The following DGAT2 variants were observed in gnomAD, a reference collection of about 807,000 sequenced individuals.
DGAT2 encodes acyl-CoA retinol O-fatty-acyltransferase.
In DGAT2, 33 loss-of-function variants were observed where a neutral mutation model predicts 48.4. The observed-to-expected ratio is 0.68, with a 90% CI of 0.52 to 0.91. The LOEUF (loss-of-function observed/expected upper bound fraction) is 0.91, where lower values mean the gene tolerates loss of function less well. Among genes scored for constraint, DGAT2 ranks in the 40% least tolerant of loss-of-function variants. DGAT2 has a pLI of 0.00. For missense variants in DGAT2, 446 were observed against 493.7 expected, an observed-to-expected ratio of 0.90 and a Z score of 0.92; for synonymous variants, 191 against 194.1, an observed-to-expected ratio of 0.98 and a Z score of 0.13.
At chr11:75,775,336 G>A (rs1944794140) in intron 1 of DGAT2, among the ~76,000 whole-genome samples, 1 of 152,164 alleles carries the variant, frequency 6.6e-6, no homozygotes, top group Admixed American at 6.5e-5. Flanking sequence ...GGTCCTGATG[G>A]CCCACTTCCC....
At chr11:75,789,659 C>T (rs1944962754) in intron 2 of DGAT2, among the ~76,000 whole-genome samples, 1 of 152,218 alleles carries the variant, frequency 6.6e-6, no homozygotes, top group Non-Finnish European at 1.5e-5. Flanking sequence ...TGAATCCTGG[C>T]TCTGCCACTG....
intron 1 of DGAT2, among the ~76,000 whole-genome samples, chr11:75,780,382 G>A (rs187336370): frequency 2.0e-5 from 3 of 152,304 alleles, no homozygotes; most frequent in Admixed American, 2.0e-4. Flanking sequence ...ACTGCAAGAT[G>A]GTAAGCTCTA....
chr11:75,772,941 G>A (rs1350437454), intron 1 of DGAT2, among the ~76,000 whole-genome samples: 1 of 152,218 alleles, frequency 6.6e-6, no homozygotes, highest in African/African-American at 2.4e-5. Flanking sequence ...AGTGAGCCAA[G>A]GTTGTGCTAC....
In DGAT2 at chr11:75,798,345, G is replaced by T. The variant is rs761761542; in HGVS notation, c.928G>T (p.Ala310Ser). ...QKKFQKYIGF[A>S]PCIFHGRGLF... ...GAAGTTCCAGAAATACATTGGTTTC[G>T]CCCCATGCATCTTCCATGGTCGAGG... The change falls in exon 7 of 8, where the codon GCC (alanine) becomes TCC (serine). Residue 310 changes from alanine (A) to serine (S), a missense_variant. By Grantham distance (99) the Ala-to-Ser change is moderately conservative. Coordinates refer to ENST00000228027, the MANE Select transcript of DGAT2 (RefSeq NM_032564.5). The T allele has an allele frequency of 6.2e-7, 1 of 1,614,032 alleles. No individual in the cohort carries two copies. Among genetic ancestry groups the T allele is most frequent in the African/African-American group, 1.3e-5 (1 of 74,916 alleles).
At position 75,790,034 on chromosome 11, in the gene DGAT2, A is replaced by G. The variant is rs115256190; in HGVS notation, c.251-154A>G. ...GAATCTGCTCCTACCTGGGCTGAAC[A>G]TTCCTGTAGCTATTTCTCAGGGTTT... On this transcript the variant is annotated intron_variant, in intron 2 of 7. Coordinates refer to ENST00000228027, the MANE Select transcript of DGAT2 (RefSeq NM_032564.5). Among the ~76,000 whole-genome samples, 1,384 of 152,290 alleles carry G rather than the reference A, an allele frequency of 9.1e-3. 16 individuals carry two copies. Among genetic ancestry groups the G allele is most frequent in the African/African-American group, 0.032 (1,338 of 41,554 alleles).
chr11:75,793,515 G>T (rs1023322132), intron 4 of DGAT2: 1 of 152,228 alleles, frequency 6.6e-6, no homozygotes, highest in Non-Finnish European at 1.5e-5. Flanking sequence ...AGGATAATTT[G>T]CTGTGACCTC....
intron 1 of DGAT2, among the ~76,000 whole-genome samples, chr11:75,770,139 C>A (rs949501569): frequency 6.6e-6 from 1 of 152,126 alleles, no homozygotes; most frequent in African/African-American, 2.4e-5. Context: ...TGCATAGATA[C>A]AATTGAGGAC....
rs981933384 is a variant in DGAT2 at position 75,784,718 on chromosome 11, C to T, written c.222C>T (p.Leu74=). ...VEKQLQVISV[L]QWVLSFLVLG... ...AGCAGCTACAGGTCATCTCAGTGCTCCAGTGGGTCCTGTCCTTCCTTGTAC... is the reference window on the plus strand; with the variant it reads ...AGCAGCTACAGGTCATCTCAGTGCTTCAGTGGGTCCTGTCCTTCCTTGTAC... The change falls in exon 2 of 8, where the codon CTC becomes CTT. Residue 74 remains leucine (L), a synonymous_variant. Coordinates refer to ENST00000228027, the MANE Select transcript of DGAT2 (RefSeq NM_032564.5). 2 of 1,613,988 alleles carry T rather than the reference C, an allele frequency of 1.2e-6. No individual in the cohort carries two copies. Among genetic ancestry groups the T allele is most frequent in the East Asian group, 4.5e-5 (2 of 44,890 alleles).
At chr11:75,798,476 C>T (rs751947288) in intron 7 of DGAT2, 47 bp downstream of exon 7, 9 of 1,593,742 alleles carry the variant, frequency 5.6e-6, no homozygotes, top group Admixed American at 1.7e-5. Flanking sequence ...ACACAGGGTG[C>T]CATACAGCTA....
In DGAT2 at chr11:75,784,678, G is replaced by A. The variant is rs907670016; in HGVS notation, c.182G>A (p.Arg61Lys). 2.0e-5 allele frequency: 33 copies of A among 1,614,070 alleles called. No individual in the cohort carries two copies. Among genetic ancestry groups the A allele is most frequent in the Middle Eastern group, 1.7e-4 (1 of 6,060 alleles). The change falls in exon 2 of 8, where the codon AGG becomes AAG. Residue 61 changes from arginine to lysine, a missense_variant. Physicochemically the swap from Arg to Lys is conservative, Grantham distance 26. Transcript: ENST00000228027. The stretch of plus-strand genomic sequence containing the variant: ...CTCTTCTCTGTCACCTGGCTCAATA[G>A]GTCCAAGGTGGAAAAGCAGCTACAG... ...QDLFSVTWLN[R>K]SKVEKQLQVI...
rs779674621 is a variant in DGAT2 at position 75,769,012 on chromosome 11, C to T, written c.21C>T (p.Ala7=). ...CAGCCATGAAGACCCTCATAGCCGC[C>T]TACTCCGGGGTCCTGCGCGGCGAGC... is the stretch of plus-strand genomic sequence containing the variant. MKTLIA[A]YSGVLRGERQ... Residue 7 remains alanine, a synonymous_variant, in exon 1 of 8, where the codon GCC becomes GCT. Coordinates refer to ENST00000228027, the MANE Select transcript of DGAT2 (RefSeq NM_032564.5). 2.5e-6 allele frequency: 4 copies of T among 1,570,466 alleles called. No individual in the cohort carries two copies. The highest frequency in any genetic ancestry group is 2.3e-5 in the South Asian group (2 of 87,270).
At chr11:75,780,950 A>G (rs1242822009) in intron 1 of DGAT2, among the ~76,000 whole-genome samples, 3 of 152,248 alleles carry the variant, frequency 2.0e-5, no homozygotes, top group Admixed American at 6.5e-5. Context: ...AAGAGTGGCC[A>G]GAGCACCTCC....
At chr11:75,789,271 C>T (rs1276309511) in intron 2 of DGAT2, among the ~76,000 whole-genome samples, 1 of 152,134 alleles carries the variant, frequency 6.6e-6, no homozygotes, top group Non-Finnish European at 1.5e-5. Flanking sequence ...ATCTCAGCCT[C>T]CTGAGTAGCT....
At chr11:75,775,705 C>T (rs1361199209) in intron 1 of DGAT2, among the ~76,000 whole-genome samples, 2 of 152,188 alleles carry the variant, frequency 1.3e-5, no homozygotes, top group Admixed American at 1.3e-4. Context: ...TCTGACTAAA[C>T]TGCTTGCAGT....
At chr11:75,771,524 A>C (rs1054265357) in intron 1 of DGAT2, among the ~76,000 whole-genome samples, 1 of 152,066 alleles carries the variant, frequency 6.6e-6, no homozygotes, top group Non-Finnish European at 1.5e-5. Flanking sequence ...GTAGCAGAGG[A>C]GTCCTTTCTG....
Position 75,798,306 on chromosome 11 carries a change from C to T in DGAT2, c.889C>T (p.Arg297Ter), listed in dbSNP as rs771080849. 4.3e-6 allele frequency: 7 copies of T among 1,614,054 alleles called. No homozygotes were observed. The highest frequency in any genetic ancestry group is 2.7e-5 in the African/African-American group (2 of 74,928). ...GATCTTCGAGGAGGGCTCCTGGGGC[C>T]GATGGGTCCAGAAGAAGTTCCAGAA... ...QVIFEEGSWG[R>*]WVQKKFQKYI... Residue 297 changes from arginine to a stop codon, truncating the protein, a stop_gained, in exon 7 of 8, where the codon CGA becomes TGA. Coordinates refer to ENST00000228027, the MANE Select transcript of DGAT2 (RefSeq NM_032564.5). LOFTEE classifies it high-confidence loss of function.
chr11:75,778,942 C>T (rs993896825), intron 1 of DGAT2, among the ~76,000 whole-genome samples: 2 of 152,116 alleles, frequency 1.3e-5, no homozygotes, highest in African/African-American at 4.8e-5. Context: ...AGGTGACTTG[C>T]CCGAGGTCAC....
intron 3 of DGAT2, 39 bp from the exon 4 acceptor site, chr11:75,790,622 C>G: frequency 6.3e-7 from 1 of 1,597,620 alleles, no homozygotes; most frequent in Non-Finnish European, 8.6e-7. Context: ...CCCAAATGTA[C>G]CCCCACCCCC....
At chr11:75,796,931 T>C (rs1187519328) in intron 5 of DGAT2, 2 of 479,816 alleles carry the variant, frequency 4.2e-6, no homozygotes, top group Non-Finnish European at 7.3e-6. Flanking sequence ...GTTTGCCAAA[T>C]GCATGAGTTC....
Sources: allele counts gnomAD v4.1 joint callset (sites outside exome capture counted in the v4.1 genomes callset), GRCh38; gene constraint gnomAD v4.1.1; transcripts MANE v1.5; gene names NCBI Gene and HGNC (gene_info 2026-07-23, HGNC 2026-07-21).